The following SERPINE2 variants were observed in gnomAD, a reference collection of about 807,000 sequenced individuals.
SERPINE2 encodes the protein serpin family E member 2, also known as glia-derived nexin.
In SERPINE2, 14 loss-of-function variants were observed where a neutral mutation model predicts 36.3. The ratio of observed to expected loss-of-function variants is 0.39; its 90% CI spans 0.25 to 0.60. The LOEUF is 0.60. Ranked by LOEUF, SERPINE2 falls within the 20% of genes least tolerant of loss-of-function variation. The probability of loss-of-function intolerance (pLI) is 0.57; values close to 1 mark genes in which losing one functional copy is unlikely to be tolerated. For missense variants in SERPINE2, 418 were observed against 499.6 expected, an observed-to-expected ratio of 0.84 and a Z score of 1.56; for synonymous variants, 192 against 191.8, an observed-to-expected ratio of 1.00 and a Z score of -0.01.
chr2:224,038,345 C>T, intron 1 of SERPINE2: 2 of 703,770 alleles, frequency 2.8e-6, no homozygotes, highest in Non-Finnish European at 5.1e-6. Flanking sequence ...CATTAAAACA[C>T]TAAAACCTTC....
chr2:223,985,139 T>G lies in SERPINE2; in HGVS notation c.686-189A>C, dbSNP rs565367373. 30 of 600,688 alleles carry G rather than the reference T, an allele frequency of 5.0e-5. No homozygotes were observed. In the African/African-American group the frequency reaches 5.4e-4, roughly 11 times the overall value. 37.2% of individuals were successfully genotyped at this position (600,688 alleles called of 1,614,324 possible). A position where few individuals can be genotyped will look rare whatever the true frequency, so the allele number is the denominator to read the frequency against. The stretch of plus-strand genomic sequence containing the variant: ...TCCTTCCCCAGTGAAGAATTCTCCT[T>G]TCTTCAGTCTAGACAGAATGCCTTT... On this transcript the variant is annotated intron_variant, in intron 4 of 8. Coordinates refer to ENST00000409304, the MANE Select transcript of SERPINE2 (RefSeq NM_001136528.2).
At chr2:224,004,536 C>T (rs927846472) in intron 1 of SERPINE2, among the ~76,000 whole-genome samples, 2 of 152,126 alleles carry the variant, frequency 1.3e-5, no homozygotes, top group African/African-American at 4.8e-5. Flanking sequence ...TCTAATGCCA[C>T]GACAATCCCT....
chr2:223,983,096 G>A (rs1200952757), intron 5 of SERPINE2, among the ~76,000 whole-genome samples: 1 of 152,206 alleles, frequency 6.6e-6, no homozygotes, highest in Non-Finnish European at 1.5e-5. Context: ...TGACGTGGAG[G>A]TTGAGTGTTA....
intron 2 of SERPINE2, among the ~76,000 whole-genome samples, chr2:224,000,299 C>A (rs971289947): frequency 6.6e-6 from 1 of 152,236 alleles, no homozygotes; most frequent in South Asian, 2.1e-4. Flanking sequence ...GGGGGGGAGC[C>A]AGTCCTGCTC....
chr2:224,033,860 G>C (rs1488276596), intron 1 of SERPINE2, among the ~76,000 whole-genome samples: 2 of 152,154 alleles, frequency 1.3e-5, no homozygotes, highest in Non-Finnish European at 2.9e-5. Flanking sequence ...GCACACAAGT[G>C]CTTCTGTATT....
intron 1 of SERPINE2, among the ~76,000 whole-genome samples, chr2:224,019,782 T>C (rs1167016734): frequency 1.2e-5 from 1 of 81,974 alleles, no homozygotes; most frequent in South Asian, 5.0e-4. Context: ...AAAAAAAGAA[T>C]GTACACATTT....
At chr2:224,020,066 C>T (rs994558206) in intron 1 of SERPINE2, among the ~76,000 whole-genome samples, 18 of 152,278 alleles carry the variant, frequency 1.2e-4, no homozygotes, top group African/African-American at 4.3e-4. Context: ...CTTCAAAATG[C>T]CTAGTTAACC....
Position 224,027,302 on chromosome 2 carries a change from C to T in SERPINE2, c.-23+11797G>A, listed in dbSNP as rs115417466. On this transcript the variant is annotated intron_variant, in intron 1 of 8. Coordinates refer to ENST00000409304, the MANE Select transcript of SERPINE2 (RefSeq NM_001136528.2). ...ACCATCTTGGGCTATCAGCCTCTCA[C>T]GTGGTGAGGCAATGCACAGAAAGCA... Among the ~76,000 whole-genome samples, 570 of 152,330 alleles carry T rather than the reference C, an allele frequency of 3.7e-3. 4 individuals carry two copies. The highest frequency in any genetic ancestry group is 0.013 in the African/African-American group (546 of 41,580).
At chr2:224,028,795 A>G (rs935621517) in intron 1 of SERPINE2, among the ~76,000 whole-genome samples, 1 of 152,158 alleles carries the variant, frequency 6.6e-6, no homozygotes, top group Non-Finnish European at 1.5e-5. Flanking sequence ...CCTCTGTGCC[A>G]GCTATGGTGG....
chr2:224,007,960 C>CGT (rs1691488048), intron 1 of SERPINE2, among the ~76,000 whole-genome samples: 1 of 151,732 alleles, frequency 6.6e-6, no homozygotes, highest in African/African-American at 2.4e-5. Flanking sequence ...ACGCTTTTTT[C>CGT]TTTGTTTATG....
At chr2:223,979,606 T>TA (rs1304848777) in intron 7 of SERPINE2, 2 of 152,180 alleles carry the variant, frequency 1.3e-5, no homozygotes, top group African/African-American at 2.4e-5. Context: ...AAAACTGACT[T>TA]ACGATTGTTC....
At chr2:224,034,872 C>T (rs746211912) in intron 1 of SERPINE2, among the ~76,000 whole-genome samples, 1 of 152,212 alleles carries the variant, frequency 6.6e-6, no homozygotes, top group Non-Finnish European at 1.5e-5. Context: ...AACACTAGAA[C>T]TCTGTATTAA....
Position 224,022,515 on chromosome 2 carries a change from A to G in SERPINE2, c.-23+16584T>C, listed in dbSNP as rs551860838. Among the ~76,000 whole-genome samples the G allele has an allele frequency of 2.0e-4, 31 of 152,308 alleles. 1 individual carries two copies. Among genetic ancestry groups the G allele is most frequent in the African/African-American group, 7.2e-4 (30 of 41,558 alleles). On this transcript the variant is annotated intron_variant, in intron 1 of 8. Coordinates refer to ENST00000409304, the MANE Select transcript of SERPINE2 (RefSeq NM_001136528.2). ...AAGGACTCAGAAATTATCTATTTCA[A>G]TCACCTGTCACCAGGGGCTATTCTC...
chr2:223,986,555 T>C (rs1159483369), intron 4 of SERPINE2, among the ~76,000 whole-genome samples: 1 of 152,156 alleles, frequency 6.6e-6, no homozygotes, highest in Non-Finnish European at 1.5e-5. Flanking sequence ...ATCTCTATTC[T>C]GGCGGAGCTA....
chr2:224,014,380 A>C (rs1416433896), intron 1 of SERPINE2, among the ~76,000 whole-genome samples: 2 of 152,210 alleles, frequency 1.3e-5, no homozygotes, highest in Non-Finnish European at 2.9e-5. Flanking sequence ...TCTCAAAAAA[A>C]AAGAAAAAGA....
At chr2:224,031,592 T>C in intron 1 of SERPINE2, 2 of 714,894 alleles carry the variant, frequency 2.8e-6, no homozygotes, top group Non-Finnish European at 3.4e-6. Flanking sequence ...TCACAGGACC[T>C]CACTCCTCTG....
rs754639728 is a variant in SERPINE2 at position 223,984,862 on chromosome 2, C to T, written c.774G>A (p.Pro258=). The T allele has an allele frequency of 1.5e-5, 25 of 1,613,990 alleles. No individual in the cohort carries two copies. The highest frequency in any genetic ancestry group is 3.3e-4 in the Middle Eastern group (2 of 6,078). Residue 258 remains proline, a synonymous_variant, in exon 5 of 9, where the codon CCG becomes CCA. Coordinates refer to ENST00000409304, the MANE Select transcript of SERPINE2 (RefSeq NM_001136528.2). ...CAGACAGCGGAGTGGAGCTCTCAGT[C>T]GGCAGTGCAATCAGCATGCTGATGC... ...GESISMLIAL[P]TESSTPLSAI...
chr2:223,991,611 T>C (rs572268612), intron 4 of SERPINE2, among the ~76,000 whole-genome samples, 192 bp downstream of exon 4: 15 of 152,374 alleles, frequency 9.8e-5, no homozygotes, highest in Admixed American at 5.9e-4. Flanking sequence ...TATTATGCTA[T>C]GCATGGTAAC....
At chr2:224,016,306 G>C (rs1411738230) in intron 1 of SERPINE2, among the ~76,000 whole-genome samples, 1 of 152,156 alleles carries the variant, frequency 6.6e-6, no homozygotes, top group African/African-American at 2.4e-5. Flanking sequence ...ATGAGTTCAA[G>C]ACCAGCCTCA....
Sources: gnomAD v4.1 joint callset for allele counts (sites outside exome capture counted in the v4.1 genomes callset) on GRCh38, gnomAD v4.1.1 for gene constraint, MANE v1.5 for transcripts, NCBI Gene and HGNC (gene_info 2026-07-23, HGNC 2026-07-21) for gene names.